The following NFIA variants were observed in gnomAD, a reference collection of about 807,000 sequenced individuals.
The protein encoded by NFIA is nuclear factor I A.
A neutral mutation model predicts 62.8 loss-of-function variants in NFIA; 8 were observed. That is an observed-to-expected ratio of 0.13 (90% CI 0.07 to 0.23). NFIA has a LOEUF of 0.23. Among genes scored for constraint, NFIA ranks in the 10% least tolerant of loss-of-function variants. The pLI, the probability that NFIA is intolerant of heterozygous loss-of-function variation, is 1.00. For synonymous variants in NFIA, 235 were observed against 238.1 expected (o/e 0.99, Z 0.12); for missense variants, 410 against 642.1 (o/e 0.64, Z 3.91).
At chr1:61,440,485 A>G (rs970748973) in intron 10 of NFIA, among the ~76,000 whole-genome samples, 1 of 152,212 alleles carries the variant, frequency 6.6e-6, no homozygotes, top group Non-Finnish European at 1.5e-5. Context: ...AGTTGTGGCT[A>G]TTTTATGGAT....
chr1:61,260,908 T>G (rs531307853), intron 2 of NFIA, among the ~76,000 whole-genome samples: 1 of 152,300 alleles, frequency 6.6e-6, no homozygotes, highest in Non-Finnish European at 1.5e-5. Flanking sequence ...TTCCACTTCC[T>G]TGGTTGCTGA....
intron 7 of NFIA, among the ~76,000 whole-genome samples, chr1:61,384,130 A>G (rs1258849694): frequency 2.0e-5 from 3 of 152,216 alleles, no homozygotes; most frequent in African/African-American, 7.2e-5. Context: ...AGAAGTATGA[A>G]TAATTGTAGC....
At chr1:61,188,645 C>G (rs1651381095) in intron 2 of NFIA, among the ~76,000 whole-genome samples, 1 of 152,144 alleles carries the variant, frequency 6.6e-6, no homozygotes, top group African/African-American at 2.4e-5. Flanking sequence ...TAGCTGAATT[C>G]TGTGACTCTT....
intron 2 of NFIA, among the ~76,000 whole-genome samples, chr1:61,134,077 C>G (rs1162465097): frequency 6.6e-6 from 1 of 151,958 alleles, no homozygotes; most frequent in Non-Finnish European, 1.5e-5. Context: ...AGTGAGCACT[C>G]CAGCCTGGGT....
At chr1:61,273,047 A>G (rs1427173208) in intron 2 of NFIA, among the ~76,000 whole-genome samples, 1 of 152,190 alleles carries the variant, frequency 6.6e-6, no homozygotes, top group Non-Finnish European at 1.5e-5. Flanking sequence ...TTTATGGTCC[A>G]TAGACTTTGG....
intron 3 of NFIA, among the ~76,000 whole-genome samples, chr1:61,293,671 A>G (rs766277532): frequency 2.0e-5 from 3 of 152,228 alleles, no homozygotes; most frequent in Non-Finnish European, 2.9e-5. Context: ...TCAATTTAGT[A>G]GATGTTGGAT....
chr1:61,146,473 TG>T (rs1184660125), intron 2 of NFIA, among the ~76,000 whole-genome samples: 1 of 152,204 alleles, frequency 6.6e-6, no homozygotes, highest in Non-Finnish European at 1.5e-5. Flanking sequence ...CGCTCTAAAA[TG>T]CAAATGTTGC....
intron 2 of NFIA, among the ~76,000 whole-genome samples, chr1:61,089,936 G>T (rs1468456507): frequency 6.6e-6 from 1 of 152,116 alleles, no homozygotes; most frequent in African/African-American, 2.4e-5. Flanking sequence ...TTTGCATTCT[G>T]TTGGCAGGGG....
intron 10 of NFIA, among the ~76,000 whole-genome samples, chr1:61,435,658 A>G (rs1349943845): frequency 6.6e-6 from 1 of 152,206 alleles, no homozygotes. Context: ...TCTGGGTCAC[A>G]TTTTAATCTC....
At chr1:61,213,909 G>C (rs1398856446) in intron 2 of NFIA, among the ~76,000 whole-genome samples, 1 of 152,182 alleles carries the variant, frequency 6.6e-6, no homozygotes. Context: ...CACCAGGCGT[G>C]TGTTGGCTCG....
At chr1:61,111,061 A>G (rs939024303) in intron 2 of NFIA, among the ~76,000 whole-genome samples, 4 of 152,114 alleles carry the variant, frequency 2.6e-5, no homozygotes, top group African/African-American at 9.7e-5. Context: ...AGGTTTACTT[A>G]ATAGGACATA....
At chr1:61,384,792 C>T (rs1664593928) in intron 7 of NFIA, among the ~76,000 whole-genome samples, 1 of 152,078 alleles carries the variant, frequency 6.6e-6, no homozygotes, top group Admixed American at 6.6e-5. Flanking sequence ...CCTGCAGGAG[C>T]TCAGTATTGG....
intron 2 of NFIA, among the ~76,000 whole-genome samples, chr1:61,101,361 C>T (rs1646505510): frequency 6.7e-6 from 1 of 149,408 alleles, no homozygotes. Context: ...CGCCATTGCA[C>T]TCCAGCCTGG....
chr1:61,269,729 G>A (rs565795883), intron 2 of NFIA, among the ~76,000 whole-genome samples: 2 of 152,320 alleles, frequency 1.3e-5, no homozygotes, highest in South Asian at 4.1e-4. Flanking sequence ...CAGACTGTGA[G>A]CACATGTTTA....
Position 61,306,269 on chromosome 1 carries a change from C to CTTTTTTTTTTTT in NFIA, c.626-26229_626-26218dup, listed in dbSNP as rs774297484. ...TCATCCTGGAGACCCAGATTTTGTT[C>CTTTTTTTTTTTT]TTTTTTTTTTTTTTTTTTTTTTTTT... On this transcript the variant is annotated intron_variant, in intron 3 of 10. Coordinates refer to ENST00000403491, the MANE Select transcript of NFIA (RefSeq NM_001134673.4). Among the ~76,000 whole-genome samples the CTTTTTTTTTTTT allele has an allele frequency of 7.8e-4, 47 of 60,624 alleles. 9 individuals are homozygous for CTTTTTTTTTTTT. Among genetic ancestry groups the CTTTTTTTTTTTT allele is most frequent in the Non-Finnish European group, 9.6e-4 (36 of 37,346 alleles). 39.8% of individuals were successfully genotyped at this position (60,624 alleles called of 152,430 possible). A position where few individuals can be genotyped will look rare whatever the true frequency, so the allele number is the denominator to read the frequency against.
At chr1:61,204,335 T>C (rs1652748663) in intron 2 of NFIA, among the ~76,000 whole-genome samples, 1 of 152,220 alleles carries the variant, frequency 6.6e-6, no homozygotes. Flanking sequence ...AACTTACTCC[T>C]ATGTAGTTTC....
chr1:61,305,392 G>A (rs530362251), intron 3 of NFIA, among the ~76,000 whole-genome samples: 7 of 152,226 alleles, frequency 4.6e-5, no homozygotes, highest in African/African-American at 1.4e-4. Context: ...AACACAAGAC[G>A]GCCATTGGCT....
Position 61,241,684 on chromosome 1 carries a change from G to A in NFIA, c.560-35836G>A, listed in dbSNP as rs373269128. On this transcript the variant is annotated intron_variant, in intron 2 of 10. Transcript: ENST00000403491. ...CCCCCACACAACTACCACCCAAAAA[G>A]GAAGGAAAAAAACCACAAACCCGAA... Among the ~76,000 whole-genome samples the A allele has an allele frequency of 5.3e-5, 8 of 151,364 alleles. No individual in the cohort carries two copies. The South Asian group carries it at 1.7e-3, about 32-fold the overall frequency.
At chr1:61,424,212 G>A (rs745655593) in intron 9 of NFIA, among the ~76,000 whole-genome samples, 6 of 152,120 alleles carry the variant, frequency 3.9e-5, no homozygotes, top group Non-Finnish European at 7.4e-5. Context: ...TGTAGCTAAA[G>A]TATTTGCATG....
Sources: gnomAD v4.1 joint callset for allele counts (sites outside exome capture counted in the v4.1 genomes callset) on GRCh38, gnomAD v4.1.1 for gene constraint, MANE v1.5 for transcripts, NCBI Gene and HGNC (gene_info 2026-07-23, HGNC 2026-07-21) for gene names.